ADAM32: variants seen among roughly 807,000 people sequenced by gnomAD.
ADAM32 encodes the protein ADAM metallopeptidase domain 32.
In ADAM32, 89 loss-of-function variants were observed where a neutral mutation model predicts 114.9. The ratio of observed to expected loss-of-function variants is 0.77; its 90% CI spans 0.65 to 0.92. ADAM32 has a LOEUF of 0.92. ADAM32 is among the 40% of genes least tolerant of loss of function. ADAM32 has a pLI of 0.00. For missense variants in ADAM32, 870 were observed against 932.8 expected (o/e 0.93, Z 0.88); for synonymous variants, 285 against 307.5 (o/e 0.93, Z 0.77).
intron 12 of ADAM32, among the ~76,000 whole-genome samples, chr8:39,216,410 AT>A (rs1192091136): frequency 6.6e-6 from 1 of 151,894 alleles, no homozygotes; most frequent in Non-Finnish European, 1.5e-5. Flanking sequence ...CCATGTTATT[AT>A]TGATAAATAA....
intron 3 of ADAM32, among the ~76,000 whole-genome samples, chr8:39,146,006 A>G (rs540304994): frequency 4.6e-5 from 7 of 152,288 alleles, no homozygotes; most frequent in African/African-American, 1.7e-4. Context: ...TTTTGGGATT[A>G]CAGGAGTGAG....
chr8:39,151,477 G>A lies in ADAM32; in HGVS notation c.454G>A (p.Asp152Asn). 1.2e-6 allele frequency: 2 copies of A among 1,602,228 alleles called. No homozygotes were observed. Among genetic ancestry groups the A allele is most frequent in the Non-Finnish European group, 1.7e-6 (2 of 1,176,300 alleles). ...VLYKLKNEDNDIAIFIDRSLK... is the reference protein window; with the variant it reads ...VLYKLKNEDNNIAIFIDRSLK... ...TTACAAATTAAAGAATGAAGACAAT[G>A]ATATTGCAATTTTTATTGACAGAAG... The change falls in exon 6 of 25, where the codon GAT becomes AAT. Residue 152 changes from aspartate (D) to asparagine (N), a missense_variant. Physicochemically the swap from Asp to Asn is conservative, Grantham distance 23. Coordinates refer to ENST00000379907, the MANE Select transcript of ADAM32 (RefSeq NM_145004.7).
In ADAM32 at chr8:39,151,530, C is replaced by T. The variant is rs1426765540; in HGVS notation, c.507C>T (p.Asn169=). ...RSLKEQPMDD[N]IFISEKSEPA... ...TGAAAGAACAACCAATGGATGACAA[C>T]ATTTTTATAAGTGAAAAAGTGAGTT... is the stretch of plus-strand genomic sequence containing the variant. The change falls in exon 6 of 25, where the codon AAC becomes AAT. Residue 169 remains asparagine, a synonymous_variant. Transcript: ENST00000379907. 1 of 1,570,074 alleles carries T rather than the reference C, an allele frequency of 6.4e-7. No homozygotes were observed. Among genetic ancestry groups the T allele is most frequent in the East Asian group, 2.3e-5 (1 of 42,986 alleles).
Position 39,169,987 on chromosome 8 carries a change from G to A in ADAM32, c.905G>A (p.Gly302Glu), listed in dbSNP as rs773620953. The A allele has an allele frequency of 6.3e-7, 1 of 1,591,804 alleles. No homozygotes were observed. Among genetic ancestry groups the A allele is most frequent in the South Asian group, 1.1e-5 (1 of 87,148 alleles). ...ATGTGTATTACTCGTTATTCTGCAG[G>A]AGTTGCATTGGTATGTAACTATTTA... ...GTMCITRYSA[G>E]VALYPKEITL... Residue 302 changes from glycine (G) to glutamate (E), a missense_variant, in exon 10 of 25, where the codon GGA (glycine) becomes GAA (glutamate). Gly to Glu is a moderately conservative substitution (Grantham distance 98, BLOSUM62 -2). Transcript: ENST00000379907.
At chr8:39,192,060 C>A (rs1445063975) in intron 11 of ADAM32, among the ~76,000 whole-genome samples, 1 of 152,090 alleles carries the variant, frequency 6.6e-6, no homozygotes, top group East Asian at 1.9e-4. Context: ...TGAATCAATT[C>A]CAGAACTTGT....
intron 2 of ADAM32, among the ~76,000 whole-genome samples, chr8:39,134,216 G>A (rs1440743866): frequency 6.6e-6 from 1 of 152,040 alleles, no homozygotes; most frequent in Admixed American, 6.5e-5. Flanking sequence ...TTGGGGCTGG[G>A]CTTTCAACAT....
chr8:39,144,962 T>C (rs1216746210), intron 3 of ADAM32, among the ~76,000 whole-genome samples: 1 of 151,782 alleles, frequency 6.6e-6, no homozygotes, highest in Non-Finnish European at 1.5e-5. Flanking sequence ...ATAGACAAGT[T>C]CAGTGAAGTT....
intron 3 of ADAM32, among the ~76,000 whole-genome samples, chr8:39,137,433 T>C (rs1802867227): frequency 6.6e-6 from 1 of 152,056 alleles, no homozygotes; most frequent in Admixed American, 6.6e-5. Context: ...AGTATTTTGA[T>C]TGATGGAAAA....
intron 17 of ADAM32, among the ~76,000 whole-genome samples, chr8:39,246,542 T>C (rs1349688089): frequency 6.6e-6 from 1 of 152,224 alleles, no homozygotes; most frequent in Admixed American, 6.5e-5. Flanking sequence ...AAATAGACTT[T>C]ATTTTTTAGA....
chr8:39,128,791 T>C (rs1218290245), intron 2 of ADAM32, among the ~76,000 whole-genome samples: 1 of 152,194 alleles, frequency 6.6e-6, no homozygotes, highest in Non-Finnish European at 1.5e-5. Context: ...TTTGGCCTGA[T>C]ATGAAATTCT....
chr8:39,175,157 T>G (rs1805446749), intron 10 of ADAM32, among the ~76,000 whole-genome samples: 2 of 151,986 alleles, frequency 1.3e-5, no homozygotes, highest in African/African-American at 4.8e-5. Context: ...CCTCTCTTTC[T>G]ATTTGAATTC....
chr8:39,108,021 C>A (rs377632412), intron 1 of ADAM32, 188 bp downstream of exon 1: 28 of 722,796 alleles, frequency 3.9e-5, no homozygotes, highest in South Asian at 2.3e-4. Flanking sequence ...CCAGGGCTCA[C>A]GCCTGTAATC....
chr8:39,225,293 T>C (rs938740768), intron 14 of ADAM32, among the ~76,000 whole-genome samples: 1 of 152,176 alleles, frequency 6.6e-6, no homozygotes, highest in South Asian at 2.1e-4. Context: ...TACACCCACA[T>C]GTGCTTGAGA....
chr8:39,158,122 T>G (rs555857833), intron 6 of ADAM32: 1 of 216,252 alleles, frequency 4.6e-6, no homozygotes, highest in South Asian at 8.2e-5. Flanking sequence ...TACCTGGTCC[T>G]CTAGCCTCTC....
intron 20 of ADAM32, among the ~76,000 whole-genome samples, chr8:39,273,371 A>C (rs1038294541): frequency 6.6e-6 from 1 of 151,792 alleles, no homozygotes; most frequent in Non-Finnish European, 1.5e-5. Context: ...TAAATAAATA[A>C]ATAAAATTAG....
At chr8:39,112,007 C>T (rs1486239147) in intron 1 of ADAM32, among the ~76,000 whole-genome samples, 1 of 152,004 alleles carries the variant, frequency 6.6e-6, no homozygotes, top group Non-Finnish European at 1.5e-5. Context: ...AATCCTGGAA[C>T]TTTAAAAATA....
At chr8:39,224,773 C>CA (rs1209033033) in intron 14 of ADAM32, among the ~76,000 whole-genome samples, 1 of 151,622 alleles carries the variant, frequency 6.6e-6, no homozygotes, top group East Asian at 1.9e-4. Flanking sequence ...CATCCCCTCA[C>CA]AAAAAACAAA....
At chr8:39,275,755 A>G in intron 21 of ADAM32, 73 bp from the exon 22 acceptor site, 1 of 1,382,278 alleles carries the variant, frequency 7.2e-7, no homozygotes, top group Non-Finnish European at 9.8e-7. Flanking sequence ...AAATGATCCG[A>G]CATTCATTCA....
chr8:39,277,159 C>A (rs1349122555), intron 22 of ADAM32, among the ~76,000 whole-genome samples: 1 of 152,124 alleles, frequency 6.6e-6, no homozygotes, highest in Non-Finnish European at 1.5e-5. Context: ...CATCTCTCAC[C>A]CTGAAACCCT....
Sources: allele counts gnomAD v4.1 joint callset (sites outside exome capture counted in the v4.1 genomes callset), GRCh38; gene constraint gnomAD v4.1.1; transcripts MANE v1.5; gene names NCBI Gene and HGNC (gene_info 2026-07-23, HGNC 2026-07-21).